B3GAT2: variants seen among roughly 807,000 people sequenced by gnomAD.
The protein encoded by B3GAT2 is galactosylgalactosylxylosylprotein 3-beta-glucuronosyltransferase 2.
A neutral mutation model predicts 27.8 loss-of-function variants in B3GAT2; 26 were observed. The observed-to-expected ratio is 0.93, with a 90% CI of 0.68 to 1.30. B3GAT2 has a LOEUF of 1.30. Ranked by LOEUF, B3GAT2 falls within the 50% of genes most tolerant of loss-of-function variation. The pLI is 0.00. For synonymous variants in B3GAT2, 218 were observed against 195.1 expected (o/e 1.12, Z -0.98); for missense variants, 458 against 459.0 (o/e 1.00, Z 0.02).
At chr6:70,880,448 T>A (rs924361509) in intron 2 of B3GAT2, among the ~76,000 whole-genome samples, 1 of 152,138 alleles carries the variant, frequency 6.6e-6, no homozygotes, top group African/African-American at 2.4e-5. Context: ...AATTCAAACC[T>A]GGCAATGGAA....
intron 1 of B3GAT2, among the ~76,000 whole-genome samples, chr6:70,903,436 T>C (rs1376977716): frequency 2.0e-5 from 3 of 152,130 alleles, no homozygotes; most frequent in Admixed American, 6.6e-5. Flanking sequence ...ATCTGTAGAC[T>C]GGGAGAACAT....
chr6:70,858,262 A>C lies in B3GAT2; in HGVS notation c.*3401T>G, dbSNP rs1771523760. 1 of 1,442,814 alleles carries C rather than the reference A, an allele frequency of 6.9e-7. No individual in the cohort carries two copies. The highest frequency in any genetic ancestry group is 9.3e-7 in the Non-Finnish European group (1 of 1,073,472). The allele number at this position is 1,442,814 out of a possible 1,614,324, so 89.4% of individuals were successfully genotyped here. On this transcript the variant is annotated 3_prime_UTR_variant, in exon 4 of 4. Transcript: ENST00000230053. Reference sequence around the variant, plus strand: ...TCATTTACTTTCTAGCTTCTCCCAAATCAAACCAGATTTATTTTCTAAATC... The same window carrying C: ...TCATTTACTTTCTAGCTTCTCCCAACTCAAACCAGATTTATTTTCTAAATC...
In B3GAT2 at chr6:70,893,933, C is replaced by T. The variant is rs186841914; in HGVS notation, c.736+195G>A. Among the ~76,000 whole-genome samples the T allele has an allele frequency of 1.4e-4, 22 of 152,240 alleles. No individual in the cohort carries two copies. The East Asian group carries it at 3.9e-3, about 27-fold the overall frequency. ...AACAGAAAGGGCATTTTCTAATCACCCTCCAAATCAATTTCCACTTGATCT... is the reference window on the plus strand; with the variant it reads ...AACAGAAAGGGCATTTTCTAATCACTCTCCAAATCAATTTCCACTTGATCT... On this transcript the variant is annotated intron_variant, in intron 2 of 3. Transcript: ENST00000230053.
chr6:70,896,723 GT>G (rs1365319376), intron 1 of B3GAT2, among the ~76,000 whole-genome samples: 1 of 152,066 alleles, frequency 6.6e-6, no homozygotes, highest in Non-Finnish European at 1.5e-5. Context: ...TCATCTACTT[GT>G]AATGTACATT....
intron 1 of B3GAT2, among the ~76,000 whole-genome samples, chr6:70,944,862 C>T (rs1206317699): frequency 6.6e-6 from 1 of 152,178 alleles, no homozygotes; most frequent in East Asian, 1.9e-4. Flanking sequence ...CCAGGTACTC[C>T]TCTGAGACAA....
At chr6:70,917,667 T>C (rs1372959247) in intron 1 of B3GAT2, among the ~76,000 whole-genome samples, 1 of 152,232 alleles carries the variant, frequency 6.6e-6, no homozygotes, top group Admixed American at 6.5e-5. Context: ...CAGTAGTCAT[T>C]CAGGAGCAGG....
At chr6:70,896,357 C>T (rs1055162031) in intron 1 of B3GAT2, among the ~76,000 whole-genome samples, 5 of 152,120 alleles carry the variant, frequency 3.3e-5, no homozygotes, top group Admixed American at 2.6e-4. Context: ...TCCTAGTAAA[C>T]CACCAAACAG....
At chr6:70,863,592 C>T (rs1220488296) in intron 2 of B3GAT2, among the ~76,000 whole-genome samples, 1 of 152,092 alleles carries the variant, frequency 6.6e-6, no homozygotes, top group East Asian at 1.9e-4. Context: ...GGACACTGGC[C>T]AACTCATTTA....
At chr6:70,911,542 C>T (rs1401070489) in intron 1 of B3GAT2, among the ~76,000 whole-genome samples, 1 of 152,152 alleles carries the variant, frequency 6.6e-6, no homozygotes, top group Admixed American at 6.5e-5. Context: ...GTTTTTGTTA[C>T]TGTAAGCTTG....
Position 70,856,749 on chromosome 6 carries a change from A to G in B3GAT2, c.*4914T>C. On this transcript the variant is annotated 3_prime_UTR_variant, in exon 4 of 4. Coordinates refer to ENST00000230053, the MANE Select transcript of B3GAT2 (RefSeq NM_080742.3). ...CTTGAATGGCACCATTTTACCTTCT[A>G]CAATTGTTTGATTCCTATCTAATTT... 1 of 1,132,450 alleles carries G rather than the reference A, an allele frequency of 8.8e-7. No homozygotes were observed. Among genetic ancestry groups the G allele is most frequent in the Non-Finnish European group, 1.2e-6 (1 of 818,066 alleles). 70.2% of individuals were successfully genotyped at this position (1,132,450 alleles called of 1,614,324 possible).
At chr6:70,945,159 A>G (rs1446175616) in intron 1 of B3GAT2, among the ~76,000 whole-genome samples, 1 of 152,196 alleles carries the variant, frequency 6.6e-6, no homozygotes, top group African/African-American at 2.4e-5. Flanking sequence ...TCTAAAAAGC[A>G]GAGCACCTCT....
intron 1 of B3GAT2, among the ~76,000 whole-genome samples, chr6:70,905,051 G>T (rs977190048): frequency 5.5e-4 from 84 of 152,282 alleles, no homozygotes; most frequent in African/African-American, 1.8e-3. Flanking sequence ...AACAAATAAA[G>T]GTTGGGGAAA....
At chr6:70,951,221 C>T (rs757611164) in intron 1 of B3GAT2, among the ~76,000 whole-genome samples, 3 of 152,124 alleles carry the variant, frequency 2.0e-5, no homozygotes, top group Non-Finnish European at 2.9e-5. Context: ...AAAAAACCTA[C>T]CACTACTTGA....
intron 2 of B3GAT2, among the ~76,000 whole-genome samples, chr6:70,876,396 A>G (rs930224545): frequency 6.6e-6 from 1 of 151,990 alleles, no homozygotes; most frequent in African/African-American, 2.4e-5. Flanking sequence ...TGTGGCGGGG[A>G]AGGACGGTAG....
intron 1 of B3GAT2, among the ~76,000 whole-genome samples, chr6:70,923,964 A>G (rs935710206): frequency 5.9e-5 from 9 of 152,192 alleles, no homozygotes; most frequent in South Asian, 2.1e-4. Flanking sequence ...TTTTTCAGAG[A>G]CAGAACAGAG....
intron 2 of B3GAT2, among the ~76,000 whole-genome samples, chr6:70,862,857 G>T (rs534607901): frequency 2.0e-5 from 3 of 152,218 alleles, no homozygotes; most frequent in African/African-American, 4.8e-5. Flanking sequence ...CGTGCCTGTA[G>T]TCCCAGCTAC....
rs755163297 is a variant in B3GAT2 at position 70,861,990 on chromosome 6, AT to A, written c.737-13del. The A allele has an allele frequency of 9.6e-6, 15 of 1,568,470 alleles. No homozygotes were observed. Among genetic ancestry groups the A allele is most frequent in the South Asian group, 1.2e-5 (1 of 83,968 alleles). On this transcript the variant is annotated splice_polypyrimidine_tract_variant and intron_variant, in intron 2 of 3. Transcript: ENST00000230053. The stretch of plus-strand genomic sequence containing the variant: ...ACTTACAGCAAATCCTTTGTGAAAA[AT>A]AAAAAAAAAAAAGAGACTTTAAAAT...
chr6:70,945,827 G>T (rs1008787735), intron 1 of B3GAT2, among the ~76,000 whole-genome samples: 6 of 151,436 alleles, frequency 4.0e-5, no homozygotes, highest in African/African-American at 1.5e-4. Context: ...AGAGAGAAAG[G>T]TCGGGTTACC....
intron 1 of B3GAT2, among the ~76,000 whole-genome samples, chr6:70,949,802 C>T (rs1233941549): frequency 4.0e-5 from 6 of 151,368 alleles, no homozygotes; most frequent in Non-Finnish European, 8.9e-5. Context: ...TTGGAACCAA[C>T]CCAAATGTCC....
Sources: gnomAD v4.1 joint callset for allele counts (sites outside exome capture counted in the v4.1 genomes callset) on GRCh38, gnomAD v4.1.1 for gene constraint, MANE v1.5 for transcripts, NCBI Gene and HGNC (gene_info 2026-07-23, HGNC 2026-07-21) for gene names.